The following PIP5K1A variants were observed in gnomAD, a reference collection of about 807,000 sequenced individuals.
PIP5K1A encodes phosphatidylinositol-4-phosphate 5-kinase type 1 alpha, also known as phosphatidylinositol 4-phosphate 5-kinase type-1 alpha.
A neutral mutation model predicts 72.9 loss-of-function variants in PIP5K1A; 46 were observed. The ratio of observed to expected loss-of-function variants is 0.63; its 90% CI spans 0.50 to 0.81. PIP5K1A has a LOEUF of 0.81. Ranked by LOEUF, PIP5K1A falls within the 30% of genes least tolerant of loss-of-function variation. The pLI, the probability that PIP5K1A is intolerant of heterozygous loss-of-function variation, is 0.00. For missense variants in PIP5K1A, 458 were observed against 706.1 expected (o/e 0.65, Z 3.98); for synonymous variants, 228 against 255.1 (o/e 0.89, Z 1.01).
chr1:151,222,100 AT>A (rs1688473764), intron 1 of PIP5K1A, among the ~76,000 whole-genome samples: 1 of 152,110 alleles, frequency 6.6e-6, no homozygotes, highest in African/African-American at 2.4e-5. Context: ...GGGAAAAAAA[AT>A]TACATATATT....
chr1:151,238,151 T>G, intron 9 of PIP5K1A, 31 bp from the exon 10 acceptor site: 2 of 1,463,096 alleles, frequency 1.4e-6, no homozygotes, highest in Non-Finnish European at 1.9e-6. Context: ...GCCAACAGAT[T>G]TTCTCACCCT....
chr1:151,208,719 CTTTTTTTTTTTTTTT>C (rs61545057), intron 1 of PIP5K1A, among the ~76,000 whole-genome samples: 49 of 43,170 alleles, frequency 1.1e-3, no homozygotes, highest in African/African-American at 3.8e-3. Flanking sequence ...TAATGGTACG[CTTTTTTTTTTTTTTT>C]TTTTTTTTTT....
intron 1 of PIP5K1A, among the ~76,000 whole-genome samples, chr1:151,218,015 A>T (rs747499127): frequency 6.6e-6 from 1 of 152,096 alleles, no homozygotes; most frequent in Non-Finnish European, 1.5e-5. Flanking sequence ...GCCTCAGGTG[A>T]TCCACTGCCC....
chr1:151,231,396 C>G (rs1320081915), intron 4 of PIP5K1A, among the ~76,000 whole-genome samples: 3 of 151,988 alleles, frequency 2.0e-5, no homozygotes, highest in Non-Finnish European at 4.4e-5. Context: ...TTAGGCAGGC[C>G]AACAGGAGGG....
chr1:151,219,096 G>C (rs1013559305), intron 1 of PIP5K1A, among the ~76,000 whole-genome samples: 1 of 151,866 alleles, frequency 6.6e-6, no homozygotes, highest in African/African-American at 2.4e-5. Context: ...AAATTGGAAA[G>C]TAGGCTGGGC....
chr1:151,242,644 C>A, intron 14 of PIP5K1A, 77 bp downstream of exon 14: 1 of 1,238,178 alleles, frequency 8.1e-7, no homozygotes, highest in Non-Finnish European at 1.2e-6. Flanking sequence ...AATTTGATTG[C>A]ATCATAATAA....
intron 1 of PIP5K1A, among the ~76,000 whole-genome samples, chr1:151,210,454 T>C (rs1430750561): frequency 5.9e-5 from 9 of 152,042 alleles, no homozygotes; most frequent in East Asian, 3.9e-4. Context: ...CTCAAAGTGC[T>C]GGAATTACAG....
At chr1:151,237,639 C>G (rs1691078681) in intron 9 of PIP5K1A, among the ~76,000 whole-genome samples, 1 of 150,452 alleles carries the variant, frequency 6.6e-6, no homozygotes, top group Non-Finnish European at 1.5e-5. Context: ...CCAGCTTGGG[C>G]AAAAAGAATG....
chr1:151,242,845 T>C lies in PIP5K1A; in HGVS notation c.1640+278T>C, dbSNP rs995959996. Among the ~76,000 whole-genome samples the C allele has an allele frequency of 2.0e-5, 3 of 152,112 alleles. No homozygotes were observed. In the East Asian group the frequency reaches 5.8e-4, roughly 29 times the overall value. On this transcript the variant is annotated intron_variant, in intron 14 of 15. Coordinates refer to ENST00000368888, the MANE Select transcript of PIP5K1A (RefSeq NM_001135638.2). Reference sequence around the variant, plus strand: ...AGATCTGCTTTTAAGCTTATTTATGTGGTTACTGGTAGGATTCTGTTCCTT... The same window carrying C: ...AGATCTGCTTTTAAGCTTATTTATGCGGTTACTGGTAGGATTCTGTTCCTT...
Position 151,198,873 on chromosome 1 carries a change from G to C in PIP5K1A, c.-124G>C. On this transcript the variant is annotated 5_prime_UTR_variant, in exon 1 of 16. Coordinates refer to ENST00000368888, the MANE Select transcript of PIP5K1A (RefSeq NM_001135638.2). ...GACGTGTCTGAGGGAGGCCCCGGAG[G>C]GGGCGGGGAGGTGGCCCACAGAACG... is the stretch of plus-strand genomic sequence containing the variant. The C allele has an allele frequency of 2.2e-6, 2 of 907,878 alleles. No individual in the cohort carries two copies. Among genetic ancestry groups the C allele is most frequent in the East Asian group, 4.8e-5 (2 of 41,780 alleles). 56.2% of individuals were successfully genotyped at this position (907,878 alleles called of 1,614,324 possible).
intron 1 of PIP5K1A, among the ~76,000 whole-genome samples, chr1:151,219,589 G>C (rs587741569): frequency 6.6e-6 from 1 of 152,082 alleles, no homozygotes; most frequent in Admixed American, 6.6e-5. Context: ...AGCTACTCGG[G>C]AGGCTGAGGC....
At chr1:151,201,529 T>G (rs1010405554) in intron 1 of PIP5K1A, among the ~76,000 whole-genome samples, 4 of 152,008 alleles carry the variant, frequency 2.6e-5, no homozygotes, top group African/African-American at 9.7e-5. Flanking sequence ...TATTTTTTTG[T>G]GTTTTTAGTA....
At chr1:151,196,815 C>T (rs587670540), upstream of PIP5K1A, among the ~76,000 whole-genome samples, 1 of 150,778 alleles carries the variant, frequency 6.6e-6, no homozygotes, top group African/African-American at 2.4e-5. Context: ...CCCGCCTCGG[C>T]CTCCCAAAGT....
chr1:151,246,233 C>T (rs781148447), intron 14 of PIP5K1A, among the ~76,000 whole-genome samples: 1 of 152,060 alleles, frequency 6.6e-6, no homozygotes, highest in South Asian at 2.1e-4. Context: ...GGCGACAGAG[C>T]GAGATCTGTC....
intron 1 of PIP5K1A, among the ~76,000 whole-genome samples, chr1:151,202,476 T>C (rs1361621354): frequency 6.6e-6 from 1 of 152,154 alleles, no homozygotes; most frequent in Non-Finnish European, 1.5e-5. Flanking sequence ...AATAAAATCT[T>C]TTTTCTCTTT....
chr1:151,233,259 G>A (rs1275463053), intron 7 of PIP5K1A: 1 of 152,166 alleles, frequency 6.6e-6, no homozygotes, highest in Non-Finnish European at 1.5e-5. Context: ...ACGTAGTTGG[G>A]ACTAAAGGCA....
chr1:151,243,322 C>T (rs587735455), intron 14 of PIP5K1A, among the ~76,000 whole-genome samples: 19 of 152,252 alleles, frequency 1.2e-4, no homozygotes, highest in African/African-American at 4.1e-4. Context: ...GTTGGATGAG[C>T]CCCCCAGGTA....
chr1:151,213,222 T>C (rs1474715848), intron 1 of PIP5K1A, among the ~76,000 whole-genome samples: 1 of 152,136 alleles, frequency 6.6e-6, no homozygotes, highest in African/African-American at 2.4e-5. Flanking sequence ...TTGTATTTTT[T>C]TGGGGTACTG....
chr1:151,247,864 A>T lies in PIP5K1A; in HGVS notation c.1688A>T (p.Ter563LeuextTer52), dbSNP rs751636951. The T allele has an allele frequency of 6.2e-7, 1 of 1,609,898 alleles. No homozygotes were observed. Among genetic ancestry groups the T allele is most frequent in the Non-Finnish European group, 8.5e-7 (1 of 1,176,436 alleles). ...LEVAESEFTH[*>L] ...TAACTTTACACTCTCCCTTTTCAGT[A>T]AGCGCAAAGCCTCAGAAGACCTGGA... Residue 563 changes from the stop codon to leucine (L), a stop_lost and splice_region_variant, in exon 16 of 16, where the codon TAA becomes TTA. Coordinates refer to ENST00000368888, the MANE Select transcript of PIP5K1A (RefSeq NM_001135638.2).
Sources: gnomAD v4.1 joint callset for allele counts (sites outside exome capture counted in the v4.1 genomes callset) on GRCh38, gnomAD v4.1.1 for gene constraint, MANE v1.5 for transcripts, NCBI Gene and HGNC (gene_info 2026-07-23, HGNC 2026-07-21) for gene names.